The following ARAP2 variants were observed in gnomAD, a reference collection of about 807,000 sequenced individuals.
The protein encoded by ARAP2 is ArfGAP with RhoGAP domain, ankyrin repeat and PH domain 2.
ARAP2 carries 148 observed loss-of-function variants against 194.5 expected under a neutral mutation model. That is an observed-to-expected ratio of 0.76 (90% CI 0.67 to 0.87). The LOEUF (loss-of-function observed/expected upper bound fraction) is 0.87, where lower values mean the gene tolerates loss of function less well. Ranked by LOEUF, ARAP2 falls within the 40% of genes least tolerant of loss-of-function variation. The pLI is 0.00. For synonymous variants in ARAP2, 695 were observed against 683.5 expected, an observed-to-expected ratio of 1.02 and a Z score of -0.26; for missense variants, 2,128 against 1,989.7, an observed-to-expected ratio of 1.07 and a Z score of -1.32.
intron 2 of ARAP2, among the ~76,000 whole-genome samples, chr4:36,222,335 G>C (rs1166057341): frequency 6.6e-6 from 1 of 152,026 alleles, no homozygotes; most frequent in Non-Finnish European, 1.5e-5. Context: ...GGTCCTCCTG[G>C]TAAACCTAAT....
intron 2 of ARAP2, among the ~76,000 whole-genome samples, chr4:36,054,724 C>T (rs1723215738): frequency 6.6e-6 from 1 of 152,128 alleles, no homozygotes; most frequent in Non-Finnish European, 1.5e-5. Flanking sequence ...AAAAATATTA[C>T]ATCATTACCA....
chr4:36,128,580 T>A lies in ARAP2; in HGVS notation c.3593A>T (p.Asp1198Val). The change falls in exon 21 of 33, where the codon GAT becomes GTT. Residue 1198 changes from aspartate to valine, a missense_variant. Physicochemically the swap from Asp to Val is radical, Grantham distance 152. Transcript: ENST00000303965. ...VLKSFLSDID[D>V]ALLTKELYPY... ...GTAGAGCTCCTTAGTAAGCAGTGCA[T>A]CATCAATGTCAGAGAGAAAACTTTT... The A allele has an allele frequency of 6.2e-7, 1 of 1,612,818 alleles. No individual in the cohort carries two copies. Among genetic ancestry groups the A allele is most frequent in the Non-Finnish European group, 8.5e-7 (1 of 1,179,546 alleles).
At chr4:36,077,581 T>C (rs1341126170) in intron 31 of ARAP2, among the ~76,000 whole-genome samples, 1 of 152,038 alleles carries the variant, frequency 6.6e-6, no homozygotes, top group Non-Finnish European at 1.5e-5. Context: ...CTTCAAAATA[T>C]TCCTGAATCT....
chr4:36,116,674 C>T (rs1560463992), intron 25 of ARAP2, among the ~76,000 whole-genome samples: 1 of 151,876 alleles, frequency 6.6e-6, no homozygotes, highest in Admixed American at 6.6e-5. Context: ...GTTTTACATG[C>T]ATTATCTTAT....
At position 36,181,367 on chromosome 4, in the gene ARAP2, G is replaced by C. The variant is rs114718004; in HGVS notation, c.1679-3362C>G. 3.5e-3 allele frequency among the ~76,000 whole-genome samples: 533 copies of C among 152,024 alleles called. 4 individuals carry two copies. Among genetic ancestry groups the C allele is most frequent in the African/African-American group, 0.012 (504 of 41,434 alleles). On this transcript the variant is annotated intron_variant, in intron 8 of 32. Coordinates refer to ENST00000303965, the MANE Select transcript of ARAP2 (RefSeq NM_015230.4). ...TTCCTAAAACCTCAAATTAGTTCTT[G>C]ATGTTTTCAGGAATGCCAGCTTAGA...
At chr4:36,098,491 C>A (rs1346783854) in intron 27 of ARAP2, among the ~76,000 whole-genome samples, 1 of 152,034 alleles carries the variant, frequency 6.6e-6, no homozygotes, top group African/African-American at 2.4e-5. Context: ...CCCTACTGTT[C>A]TAATGATTAA....
At position 36,133,299 on chromosome 4, in the gene ARAP2, TA is replaced by T. The variant is rs760036023; in HGVS notation, c.3353del (p.Leu1118TyrfsTer14). On this transcript the variant is annotated frameshift_variant, in exon 20 of 33. Transcript: ENST00000303965. LOFTEE classifies it high-confidence loss of function. ...CATTTTTGCTGAGCTGCTGATCTTG[TA>T]AAGCATTACCATCTGTACCTGCTGC... is the stretch of plus-strand genomic sequence containing the variant. ...EKAAGTDGNA[L>X]QDQQLSKNDV... is the part of the protein sequence containing the mutation. 4.3e-6 allele frequency: 7 copies of T among 1,611,450 alleles called. No individual in the cohort carries two copies. The highest frequency in any genetic ancestry group is 5.1e-6 in the Non-Finnish European group (6 of 1,178,346).
intron 7 of ARAP2, among the ~76,000 whole-genome samples, chr4:36,191,103 T>A (rs1476697043): frequency 3.9e-5 from 6 of 152,182 alleles, no homozygotes; most frequent in Non-Finnish European, 5.9e-5. Flanking sequence ...ACAGCAGGAA[T>A]TAGAATGCCT....
intron 3 of ARAP2, among the ~76,000 whole-genome samples, chr4:36,048,003 G>T (rs1454215531): frequency 1.3e-5 from 2 of 152,178 alleles, no homozygotes; most frequent in Non-Finnish European, 2.9e-5. Context: ...ATGGCACTGA[G>T]AACTCTGAAT....
intron 7 of ARAP2, among the ~76,000 whole-genome samples, chr4:36,188,839 A>G (rs1410264685): frequency 6.6e-6 from 1 of 152,158 alleles, no homozygotes; most frequent in Non-Finnish European, 1.5e-5. Flanking sequence ...TGCCTTAGCA[A>G]TTGGTAAGGG....
intron 5 of ARAP2, among the ~76,000 whole-genome samples, chr4:36,034,121 A>G (rs1719490538): frequency 6.6e-6 from 1 of 152,066 alleles, no homozygotes; most frequent in African/African-American, 2.4e-5. Flanking sequence ...TATTGCCTTC[A>G]CTATTCAGGC....
chr4:36,156,751 T>G (rs1732644739), intron 15 of ARAP2, among the ~76,000 whole-genome samples: 1 of 152,086 alleles, frequency 6.6e-6, no homozygotes, highest in African/African-American at 2.4e-5. Context: ...ATTAAGACAA[T>G]CAAAGAATAC....
intron 8 of ARAP2, among the ~76,000 whole-genome samples, chr4:36,185,600 T>TA (rs200969434): frequency 2.0e-4 from 30 of 150,962 alleles, no homozygotes; most frequent in African/African-American, 4.4e-4. Flanking sequence ...ATCTAGCAGT[T>TA]AAAAAAAAAG....
At chr4:36,014,226 AAAG>A (rs1715123595) in intron 8 of ARAP2, among the ~76,000 whole-genome samples, 1 of 23,648 alleles carries the variant, frequency 4.2e-5, no homozygotes, top group Non-Finnish European at 1.1e-4. Context: ...GACCCTATCG[AAAG>A]AAAGAAAGAA....
chr4:36,014,224 C>CGGAAGAAAGAAA (rs1392259044), intron 8 of ARAP2, among the ~76,000 whole-genome samples: 1,000 of 61,670 alleles, frequency 0.016, 132 homozygotes, highest in African/African-American at 0.035. Flanking sequence ...GAGACCCTAT[C>CGGAAGAAAGAAA]GAAAGAAAGA....
chr4:36,037,112 G>A (rs1228969573), intron 5 of ARAP2, among the ~76,000 whole-genome samples: 1 of 151,924 alleles, frequency 6.6e-6, no homozygotes. Flanking sequence ...AGCACTTCAA[G>A]ACCTCCATAC....
intron 6 of ARAP2, among the ~76,000 whole-genome samples, chr4:36,205,782 C>T (rs116151307): frequency 6.6e-6 from 1 of 152,114 alleles, no homozygotes. Context: ...GATTCCAAAC[C>T]CTATTCATTT....
intron 5 of ARAP2, among the ~76,000 whole-genome samples, chr4:36,029,055 T>G (rs1305231580): frequency 6.6e-6 from 1 of 152,030 alleles, no homozygotes; most frequent in Non-Finnish European, 1.5e-5. Context: ...GGAAGCTGTA[T>G]TCTGTATTAT....
chr4:36,117,063 G>A lies in ARAP2; in HGVS notation c.4036C>T (p.Arg1346Trp), dbSNP rs200261873. The A allele has an allele frequency of 1.9e-4, 300 of 1,583,010 alleles. No individual in the cohort carries two copies. The highest frequency in any genetic ancestry group is 2.4e-4 in the Non-Finnish European group (278 of 1,166,512). Reference protein sequence around the residue: ...RKEPDCSIIIRISPVMEAEEL... With the variant: ...RKEPDCSIIIWISPVMEAEEL... ...TTACATCCACCTTTAGAACTTACCCGAATTATAATACTACAGTCGGGTTCC... is the reference window on the plus strand; with the variant it reads ...TTACATCCACCTTTAGAACTTACCCAAATTATAATACTACAGTCGGGTTCC... The change falls in exon 25 of 33, where the codon CGG becomes TGG. Residue 1346 changes from arginine (R) to tryptophan (W), a missense_variant and splice_region_variant. By Grantham distance (101) the Arg-to-Trp change is moderately radical. Transcript: ENST00000303965.
Sources: allele counts gnomAD v4.1 joint callset (sites outside exome capture counted in the v4.1 genomes callset), GRCh38; gene constraint gnomAD v4.1.1; transcripts MANE v1.5; gene names NCBI Gene and HGNC (gene_info 2026-07-23, HGNC 2026-07-21).